Variants in SCNN1G observed in about 807,000 individuals in gnomAD.
SCNN1G encodes epithelial sodium channel subunit gamma.
Under a neutral mutation model 64.6 loss-of-function variants are expected in SCNN1G, and 27 were observed. That is an observed-to-expected ratio of 0.42 (90% CI 0.31 to 0.58). The LOEUF (loss-of-function observed/expected upper bound fraction) is 0.58, where lower values mean the gene tolerates loss of function less well. SCNN1G is among the 20% of genes least tolerant of loss of function. The probability of loss-of-function intolerance (pLI) is 0.18; values close to 1 mark genes in which losing one functional copy is unlikely to be tolerated. For missense variants in SCNN1G, 743 were observed against 823.4 expected (o/e 0.90, Z 1.19); for synonymous variants, 330 against 314.2 (o/e 1.05, Z -0.53).
rs553848684 is a variant in SCNN1G, at chr16:23,189,235, G to A, written c.318-136G>A. ...TTGGATGGGTCAAGTCATGAAAGGC[G>A]TGGTCTCCTCTGCCAAGGAGTTGGG... On this transcript the variant is annotated intron_variant, in intron 2 of 12. Coordinates refer to ENST00000300061, the MANE Select transcript of SCNN1G (RefSeq NM_001039.4). The A allele has an allele frequency of 1.7e-3, 1,494 of 884,892 alleles. 24 individuals are homozygous for A. The highest frequency in any genetic ancestry group is 0.015 in the South Asian group (1,082 of 71,434). The allele number at this position is 884,892 out of a possible 1,614,324, so 54.8% of individuals were successfully genotyped here.
At chr16:23,194,397 G>A (rs988534512) in intron 5 of SCNN1G, 123 bp downstream of exon 5, 18 of 730,806 alleles carry the variant, frequency 2.5e-5, no homozygotes, top group Admixed American at 1.0e-4. Flanking sequence ...CCAGAAACCA[G>A]GGATGCCCCT....
intron 11 of SCNN1G, 148 bp downstream of exon 11, chr16:23,213,311 G>A: frequency 1.5e-6 from 1 of 659,998 alleles, no homozygotes; most frequent in East Asian, 2.7e-5. Flanking sequence ...GGAGTGCAGT[G>A]GTGTGATCTC....
rs773688419 is a variant in SCNN1G at position 23,215,664 on chromosome 16, G to T, written c.*195G>T. The T allele has an allele frequency of 1.2e-5, 8 of 641,196 alleles. No individual in the cohort carries two copies. Among genetic ancestry groups the T allele is most frequent in the Non-Finnish European group, 2.2e-5 (8 of 363,372 alleles). The allele number at this position is 641,196 out of a possible 1,614,324, so 39.7% of individuals were successfully genotyped here. A position where few individuals can be genotyped will look rare whatever the true frequency, so the allele number is the denominator to read the frequency against. ...AGGAGGAGCCATCGGGTACTACGCAGCAACACTCACAACTGTCCAGGCTGA... is the reference window on the plus strand; with the variant it reads ...AGGAGGAGCCATCGGGTACTACGCATCAACACTCACAACTGTCCAGGCTGA... On this transcript the variant is annotated 3_prime_UTR_variant, in exon 13 of 13. Transcript: ENST00000300061.
Position 23,215,755 on chromosome 16 carries a change from G to C in SCNN1G, c.*286G>C. 2.0e-6 allele frequency: 1 copy of C among 509,988 alleles called. No individual in the cohort carries two copies. The highest frequency in any genetic ancestry group is 3.2e-5 in the Admixed American group (1 of 30,984). 31.6% of individuals were successfully genotyped at this position (509,988 alleles called of 1,614,324 possible). Reference sequence around the variant, plus strand: ...ACTGGGAGCCGAGGCAGTGGTGCTGGCCCAAGTGAAGGCCAGAGTGAGGAC... The same window carrying C: ...ACTGGGAGCCGAGGCAGTGGTGCTGCCCCAAGTGAAGGCCAGAGTGAGGAC... On this transcript the variant is annotated 3_prime_UTR_variant, in exon 13 of 13. Transcript: ENST00000300061.
intron 6 of SCNN1G, among the ~76,000 whole-genome samples, chr16:23,208,922 C>G (rs2141942740): frequency 6.6e-6 from 1 of 152,104 alleles, no homozygotes; most frequent in South Asian, 2.1e-4. Flanking sequence ...TTTCTAATCC[C>G]TCCTCCCACG....
At chr16:23,209,381 A>T (rs1468810108) in intron 6 of SCNN1G, among the ~76,000 whole-genome samples, 2 of 151,412 alleles carry the variant, frequency 1.3e-5, no homozygotes, top group East Asian at 3.9e-4. Flanking sequence ...TTCCCTAATC[A>T]CTCTATGGGA....
At chr16:23,208,987 T>C (rs1288183430) in intron 6 of SCNN1G, among the ~76,000 whole-genome samples, 1 of 152,114 alleles carries the variant, frequency 6.6e-6, no homozygotes, top group Non-Finnish European at 1.5e-5. Flanking sequence ...CAAATCCAAA[T>C]TTCTCAGCTG....
Position 23,186,373 on chromosome 16 carries a change from C to G in SCNN1G, c.102C>G (p.Leu34=). The G allele has an allele frequency of 6.2e-7, 1 of 1,614,228 alleles. No individual in the cohort carries two copies. Among genetic ancestry groups the G allele is most frequent in the Non-Finnish European group, 8.5e-7 (1 of 1,180,036 alleles). The change falls in exon 2 of 13, where the codon CTC becomes CTG. Residue 34 remains leucine, a synonymous_variant. Transcript: ENST00000300061. Reference sequence around the variant, plus strand: ...AAGAGCTGATGCGGTGGTACTGCCTCAACACCAACACCCATGGCTGTCGCC... The same window carrying G: ...AAGAGCTGATGCGGTGGTACTGCCTGAACACCAACACCCATGGCTGTCGCC... ...TIKELMRWYC[L]NTNTHGCRRI...
chr16:23,212,614 T>C, intron 8 of SCNN1G, 64 bp from the exon 9 acceptor site: 3 of 1,279,676 alleles, frequency 2.3e-6, no homozygotes, highest in Non-Finnish European at 3.4e-6. Context: ...CTTGGTGACC[T>C]GGGGATGGCC....
chr16:23,209,621 A>G, intron 6 of SCNN1G, 129 bp from the exon 7 acceptor site: 3 of 733,270 alleles, frequency 4.1e-6, no homozygotes, highest in Non-Finnish European at 7.5e-6. Flanking sequence ...CTTTTCATTA[A>G]ATGAATGACC....
chr16:23,214,927 G>T, intron 12 of SCNN1G, 140 bp downstream of exon 12: 2 of 1,091,658 alleles, frequency 1.8e-6, no homozygotes, highest in Non-Finnish European at 2.8e-6. Context: ...GTCTCAGGTC[G>T]GAATGCACAG....
chr16:23,199,558 A>G (rs1959851298), intron 6 of SCNN1G, among the ~76,000 whole-genome samples: 1 of 152,084 alleles, frequency 6.6e-6, no homozygotes, highest in African/African-American at 2.4e-5. Context: ...TAACCAACAT[A>G]ATGTATTAAT....
At position 23,192,356 on chromosome 16, in the gene SCNN1G, C is replaced by T. The variant is rs746440656; in HGVS notation, c.623C>T (p.Ser208Leu). ...SKQVVGFQLC[S>L]NDTSDCATYT... ...CGCATCTCCTCTTATTCACAGTGCTCAAATGACACCTCCGACTGTGCCACC... is the reference window on the plus strand; with the variant it reads ...CGCATCTCCTCTTATTCACAGTGCTTAAATGACACCTCCGACTGTGCCACC... The change falls in exon 4 of 13, where the codon TCA becomes TTA. Residue 208 changes from serine to leucine, a missense_variant. Ser to Leu is a moderately radical substitution (Grantham distance 145). Coordinates refer to ENST00000300061, the MANE Select transcript of SCNN1G (RefSeq NM_001039.4). The T allele has an allele frequency of 1.2e-6, 2 of 1,613,760 alleles. No individual in the cohort carries two copies. The highest frequency in any genetic ancestry group is 2.2e-5 in the South Asian group (2 of 91,074).
At chr16:23,183,261 C>A (rs988119671) in intron 1 of SCNN1G, among the ~76,000 whole-genome samples, 1 of 152,218 alleles carries the variant, frequency 6.6e-6, no homozygotes, top group Non-Finnish European at 1.5e-5. Context: ...TCAGCCGGCG[C>A]TCCCCCGGGG....
At chr16:23,214,475 C>G (rs1039742283) in intron 11 of SCNN1G, among the ~76,000 whole-genome samples, 1 of 152,234 alleles carries the variant, frequency 6.6e-6, no homozygotes, top group African/African-American at 2.4e-5. Flanking sequence ...GGTCGACTGA[C>G]TTAATCTGGA....
At chr16:23,186,104 G>T in intron 1 of SCNN1G, 124 bp from the exon 2 acceptor site, 1 of 689,190 alleles carries the variant, frequency 1.5e-6, no homozygotes. Flanking sequence ...CTAAGCCACA[G>T]AGGAACAGAG....
intron 3 of SCNN1G, among the ~76,000 whole-genome samples, chr16:23,190,423 G>A (rs964014395): frequency 1.6e-4 from 24 of 152,186 alleles, no homozygotes; most frequent in Admixed American, 1.4e-3. Flanking sequence ...ACTCATGGAG[G>A]CCTCTCAAAG....
Position 23,186,539 on chromosome 16 carries a change from C to T in SCNN1G, c.268C>T (p.Arg90Trp), listed in dbSNP as rs1959609666. ...CTCAGTTTCCATCAAAGTCCACTTC[C>T]GGAAGCTGGATTTTCCTGCAGTCAC... Reference protein sequence around the residue: ...TVSVSIKVHFRKLDFPAVTIC... With the variant: ...TVSVSIKVHFWKLDFPAVTIC... Residue 90 changes from arginine to tryptophan, a missense_variant, in exon 2 of 13, where the codon CGG becomes TGG. Coordinates refer to ENST00000300061, the MANE Select transcript of SCNN1G (RefSeq NM_001039.4). 6.2e-7 allele frequency: 1 copy of T among 1,613,776 alleles called. No homozygotes were observed. Among genetic ancestry groups the T allele is most frequent in the Non-Finnish European group, 8.5e-7 (1 of 1,180,032 alleles).
chr16:23,193,265 A>G (rs113111560), intron 4 of SCNN1G, among the ~76,000 whole-genome samples: 1 of 152,206 alleles, frequency 6.6e-6, no homozygotes, highest in African/African-American at 2.4e-5. Flanking sequence ...AGAAAGGCCC[A>G]TGTTCAAATA....
Sources: allele counts gnomAD v4.1 joint callset (sites outside exome capture counted in the v4.1 genomes callset), GRCh38; gene constraint gnomAD v4.1.1; transcripts MANE v1.5; gene names NCBI Gene and HGNC (gene_info 2026-07-23, HGNC 2026-07-21).